Variants in VDAC1 observed in about 807,000 individuals in gnomAD.
VDAC1 encodes voltage dependent anion channel 1, also known as non-selective voltage-gated ion channel VDAC1.
A neutral mutation model predicts 34.7 loss-of-function variants in VDAC1; 10 were observed. The observed-to-expected ratio is 0.29, with a 90% CI of 0.18 to 0.49. The LOEUF (loss-of-function observed/expected upper bound fraction) is 0.49. Ranked by LOEUF, VDAC1 falls within the 20% of genes least tolerant of loss-of-function variation. The pLI, the probability that VDAC1 is intolerant of heterozygous loss-of-function variation, is 0.99. For missense variants in VDAC1, 230 were observed against 347.9 expected (o/e 0.66, Z 2.69); for synonymous variants, 130 against 136.0 (o/e 0.96, Z 0.30).
the VDAC1 span, among the ~76,000 whole-genome samples, chr5:134,067,150 A>G: frequency 6.7e-6 from 1 of 149,074 alleles, no homozygotes; most frequent in Non-Finnish European, 1.5e-5. Flanking sequence ...ATTTCAGCTC[A>G]CTGCAACCTC....
the VDAC1 span, among the ~76,000 whole-genome samples, chr5:134,088,255 C>T: frequency 2.0e-5 from 3 of 152,220 alleles, no homozygotes; most frequent in Admixed American, 2.0e-4. Context: ...GGGAACCTGT[C>T]CCCAGAGCCC....
upstream of VDAC1, among the ~76,000 whole-genome samples, chr5:134,008,286 A>G (rs1675322110): frequency 6.6e-6 from 1 of 152,080 alleles, no homozygotes; most frequent in Non-Finnish European, 1.5e-5. Context: ...GAATCTAGCC[A>G]TGCCGGAGAC....
the VDAC1 span, among the ~76,000 whole-genome samples, chr5:134,025,384 A>G: frequency 5.3e-5 from 8 of 151,494 alleles, no homozygotes; most frequent in Non-Finnish European, 8.8e-5. Flanking sequence ...TGAGTCAAAC[A>G]CCTCCCACCA....
At chr5:134,078,000 C>T in the VDAC1 span, among the ~76,000 whole-genome samples, 32 of 152,336 alleles carry the variant, frequency 2.1e-4, no homozygotes, top group Admixed American at 7.8e-4. Context: ...CATCAGGGAG[C>T]CTGGGAGGCA....
At position 133,972,781 on chromosome 5, in the gene VDAC1, A is replaced by T. The variant is rs2126885888; in HGVS notation, c.842T>A (p.Phe281Tyr). ...GGHKLGLGLE[F>Y]QA The stretch of plus-strand genomic sequence containing the variant: ...TTGTACAGTATTCATTTATGCTTGA[A>T]ATTCCAGTCCTAGACCAAGCTTGTG... The change falls in exon 9 of 9, where the codon TTT becomes TAT. Residue 281 changes from phenylalanine to tyrosine, a missense_variant. Transcript: ENST00000265333. 1 of 1,600,682 alleles carries T rather than the reference A, an allele frequency of 6.2e-7. No individual in the cohort carries two copies. Among genetic ancestry groups the T allele is most frequent in the South Asian group, 1.1e-5 (1 of 90,694 alleles).
the VDAC1 span, among the ~76,000 whole-genome samples, chr5:134,019,241 G>T: frequency 7.9e-5 from 12 of 151,976 alleles, no homozygotes; most frequent in African/African-American, 2.9e-4. Context: ...AGGTTCTCCT[G>T]CATGTACACC....
At chr5:134,026,608 C>A in the VDAC1 span, among the ~76,000 whole-genome samples, 4 of 152,114 alleles carry the variant, frequency 2.6e-5, no homozygotes, top group Non-Finnish European at 2.9e-5. Flanking sequence ...TGCCACACAC[C>A]CTAGCTGGCC....
the VDAC1 span, among the ~76,000 whole-genome samples, chr5:134,110,973 G>A: frequency 1.3e-5 from 2 of 152,310 alleles, no homozygotes; most frequent in Non-Finnish European, 2.9e-5. Flanking sequence ...AACAACTTCC[G>A]AAAAATATCT....
At chr5:134,029,750 G>C in the VDAC1 span, among the ~76,000 whole-genome samples, 1 of 152,214 alleles carries the variant, frequency 6.6e-6, no homozygotes, top group Non-Finnish European at 1.5e-5. Flanking sequence ...GTTACCAAGG[G>C]TTAGGGATGG....
chr5:133,986,668 G>A (rs1224545234), intron 5 of VDAC1, among the ~76,000 whole-genome samples: 1 of 152,162 alleles, frequency 6.6e-6, no homozygotes, highest in African/African-American at 2.4e-5. Flanking sequence ...TTGCAGGCAT[G>A]AGCCCCCGCG....
intron 1 of VDAC1, among the ~76,000 whole-genome samples, chr5:133,997,983 C>T (rs1318680608): frequency 2.0e-5 from 3 of 151,582 alleles, no homozygotes; most frequent in Non-Finnish European, 4.4e-5. Flanking sequence ...AGAAGAATTG[C>T]CTCAACCTGG....
chr5:133,984,657 C>G (rs756135679), intron 5 of VDAC1, among the ~76,000 whole-genome samples: 127 of 152,148 alleles, frequency 8.3e-4, no homozygotes, highest in Non-Finnish European at 1.5e-3. Context: ...CAATGCCAGC[C>G]GGGCACAGTG....
At chr5:134,020,885 C>G in the VDAC1 span, among the ~76,000 whole-genome samples, 1 of 151,908 alleles carries the variant, frequency 6.6e-6, no homozygotes, top group Admixed American at 6.6e-5. Flanking sequence ...AGGCCAGTCA[C>G]AGGGGCTCAC....
upstream of VDAC1, among the ~76,000 whole-genome samples, chr5:134,008,106 A>G (rs1034770389): frequency 1.3e-5 from 2 of 151,228 alleles, no homozygotes; most frequent in Non-Finnish European, 3.0e-5. Context: ...AGCCCTGTAT[A>G]CCTCTCCTGC....
chr5:134,069,264 ATGGTG>A, the VDAC1 span, among the ~76,000 whole-genome samples: 1 of 152,184 alleles, frequency 6.6e-6, no homozygotes, highest in African/African-American at 2.4e-5. Context: ...TCTAAACCTT[ATGGTG>A]CAGGATGGAG....
intron 5 of VDAC1, among the ~76,000 whole-genome samples, chr5:133,984,911 G>A (rs71587512): frequency 0.086 from 13,155 of 152,172 alleles, 801 homozygotes; most frequent in South Asian, 0.21. Context: ...AGTCCAGCCC[G>A]GGTGACAGAG....
At chr5:133,975,735 A>T in intron 7 of VDAC1, 136 bp downstream of exon 7, 1 of 1,354,594 alleles carries the variant, frequency 7.4e-7, no homozygotes, top group South Asian at 1.3e-5. Context: ...CAGGGATTAC[A>T]GGCGTGAGTC....
upstream of VDAC1, among the ~76,000 whole-genome samples, chr5:134,007,504 A>C (rs1236005309): frequency 6.6e-6 from 1 of 152,138 alleles, no homozygotes; most frequent in African/African-American, 2.4e-5. Flanking sequence ...AATCACTAGA[A>C]TCCATTGACC....
intron 1 of VDAC1, among the ~76,000 whole-genome samples, chr5:133,995,384 T>C (rs971142393): frequency 9.2e-5 from 14 of 152,218 alleles, no homozygotes; most frequent in Non-Finnish European, 4.4e-5. Flanking sequence ...CTTTCTCATC[T>C]GTGTCTTGCT....
Sources: gnomAD v4.1 joint callset for allele counts (sites outside exome capture counted in the v4.1 genomes callset) on GRCh38, gnomAD v4.1.1 for gene constraint, MANE v1.5 for transcripts, NCBI Gene and HGNC (gene_info 2026-07-23, HGNC 2026-07-21) for gene names.